Variants in PCDHA7 observed in about 807,000 individuals in gnomAD.
PCDHA7 encodes the protein protocadherin alpha-7.
PCDHA7 carries 37 observed loss-of-function variants against 57.2 expected under a neutral mutation model. The observed-to-expected ratio is 0.65, with a 90% confidence interval of 0.50 to 0.85. PCDHA7 has a LOEUF of 0.85. PCDHA7 is among the 40% of genes least tolerant of loss of function. The probability of loss-of-function intolerance (pLI) is 0.00; values close to 1 mark genes in which losing one functional copy is unlikely to be tolerated. For synonymous variants in PCDHA7, 553 were observed against 558.8 expected (o/e 0.99, Z 0.15); for missense variants, 1,188 against 1,241.8 (o/e 0.96, Z 0.65).
intron 1 of PCDHA7, chr5:140,876,123 C>T (rs782271666): frequency 6.2e-7 from 1 of 1,613,906 alleles, no homozygotes; most frequent in East Asian, 2.2e-5. Flanking sequence ...TAATCGATGG[C>T]GGTAAACCAG....
chr5:140,884,484 T>C, intron 1 of PCDHA7: 2 of 1,613,922 alleles, frequency 1.2e-6, no homozygotes, highest in Non-Finnish European at 1.7e-6. Context: ...AAGCCCACTC[T>C]AGTGTGCTCC....
chr5:140,877,416 G>A (rs368900600), intron 1 of PCDHA7: 32 of 1,613,802 alleles, frequency 2.0e-5, no homozygotes, highest in Non-Finnish European at 2.7e-5. Flanking sequence ...ACCGCCTGCT[G>A]GTGCTGGTGA....
At position 140,895,475 on chromosome 5, in the gene PCDHA7, G is replaced by A. The variant is rs532993154; in HGVS notation, c.2355+58737G>A. Among the ~76,000 whole-genome samples the A allele has an allele frequency of 2.0e-4, 31 of 152,002 alleles. No individual in the cohort carries two copies. The South Asian group carries it at 5.0e-3, about 24-fold the overall frequency. On this transcript the variant is annotated intron_variant, in intron 1 of 3. Coordinates refer to ENST00000525929, the MANE Select transcript of PCDHA7 (RefSeq NM_018910.3). ...TATTGGTCATTTCTTTATCCTCTTC[G>A]GAGAAATACCTATTCAGAACTTTTG...
In PCDHA7 at chr5:140,850,310, G is replaced by A. The variant is rs2150478968; in HGVS notation, c.2355+13572G>A. The stretch of plus-strand genomic sequence containing the variant: ...TGGACGCCGACTCGGGCTACAACGC[G>A]TGGCTTTCATACGAGCTGCAGCCAG... On this transcript the variant is annotated intron_variant, in intron 1 of 3. Transcript: ENST00000525929. The A allele has an allele frequency of 1.0e-5, 16 of 1,597,212 alleles. 1 individual carries two copies. Among genetic ancestry groups the A allele is most frequent in the Non-Finnish European group, 1.4e-5 (16 of 1,167,678 alleles).
intron 1 of PCDHA7, chr5:140,867,873 G>A (rs1554161583): frequency 6.6e-6 from 1 of 152,056 alleles, no homozygotes; most frequent in East Asian, 1.9e-4. Flanking sequence ...AATTTTCTAT[G>A]TTTTAAGCAC....
At chr5:140,941,401 C>T (rs1200707950) in intron 1 of PCDHA7, among the ~76,000 whole-genome samples, 1 of 149,796 alleles carries the variant, frequency 6.7e-6, no homozygotes, top group Non-Finnish European at 1.5e-5. Flanking sequence ...ACTGCAACCT[C>T]CGCCTCCCGG....
rs1554138958 is a variant in PCDHA7, at chr5:140,842,308, C to T, written c.2355+5570C>T. On this transcript the variant is annotated intron_variant, in intron 1 of 3. Coordinates refer to ENST00000525929, the MANE Select transcript of PCDHA7 (RefSeq NM_018910.3). ...ACGCCACGGACAAAGGCCATCCTCC[C>T]ATGGCGGGTCATTGCACCGTTTTAG... The T allele has an allele frequency of 3.1e-6, 5 of 1,607,710 alleles. No individual in the cohort carries two copies. The African/African-American group carries it at 5.4e-5, about 17-fold the overall frequency.
intron 3 of PCDHA7, among the ~76,000 whole-genome samples, chr5:141,008,708 T>G (rs1197464501): frequency 1.3e-5 from 2 of 152,210 alleles, no homozygotes; most frequent in African/African-American, 4.8e-5. Flanking sequence ...GGTTTCTAGT[T>G]GCTTGAGTGT....
chr5:140,997,864 C>A (rs2097788719), intron 3 of PCDHA7, among the ~76,000 whole-genome samples: 1 of 152,100 alleles, frequency 6.6e-6, no homozygotes, highest in South Asian at 2.1e-4. Context: ...ATTTCTTATG[C>A]ATGCTTGCTA....
Position 140,856,641 on chromosome 5 carries a change from T to G in PCDHA7, c.2355+19903T>G, listed in dbSNP as rs1554148950. On this transcript the variant is annotated intron_variant, in intron 1 of 3. Coordinates refer to ENST00000525929, the MANE Select transcript of PCDHA7 (RefSeq NM_018910.3). ...TTCCCAGTGCTTGTTCTGCGGAAGC[T>G]GCTGGATCGTGAAGAAAATCCTCAG... 4.4e-6 allele frequency: 7 copies of G among 1,598,334 alleles called. 1 individual carries two copies. The highest frequency in any genetic ancestry group is 5.1e-6 in the Non-Finnish European group (6 of 1,167,764).
chr5:140,873,893 T>G (rs1308011914), intron 1 of PCDHA7, among the ~76,000 whole-genome samples: 2 of 152,166 alleles, frequency 1.3e-5, no homozygotes, highest in Non-Finnish European at 2.9e-5. Context: ...ACTCCTGACC[T>G]CAGGTGATCT....
At chr5:140,896,710 T>C (rs1231459059) in intron 1 of PCDHA7, among the ~76,000 whole-genome samples, 2 of 152,160 alleles carry the variant, frequency 1.3e-5, no homozygotes, top group Non-Finnish European at 2.9e-5. Flanking sequence ...TGTTTGTTTT[T>C]TGCTTGTTAA....
At chr5:140,853,797 T>G (rs2042870109) in intron 1 of PCDHA7, 4 of 987,438 alleles carry the variant, frequency 4.1e-6, no homozygotes, top group Non-Finnish European at 4.9e-6. Context: ...AATTTTCATT[T>G]TAAAGCACAC....
chr5:140,885,556 G>A (rs1317413722), intron 1 of PCDHA7, among the ~76,000 whole-genome samples: 22 of 152,018 alleles, frequency 1.4e-4, no homozygotes, highest in African/African-American at 5.3e-4. Flanking sequence ...TTATTTCTAC[G>A]AAATTGATTG....
At chr5:140,867,108 C>A (rs782819699) in intron 1 of PCDHA7, 4 of 152,072 alleles carry the variant, frequency 2.6e-5, no homozygotes, top group Admixed American at 2.6e-4. Flanking sequence ...CCTAAATTAA[C>A]ATATTGTTTT....
chr5:140,848,218 A>T (rs1404023746), intron 1 of PCDHA7: 1 of 371,682 alleles, frequency 2.7e-6, no homozygotes, highest in Non-Finnish European at 4.8e-6. Flanking sequence ...TTAAGAAAAA[A>T]TTAAGAAAAT....
intron 1 of PCDHA7, among the ~76,000 whole-genome samples, chr5:140,977,103 G>A (rs1159604551): frequency 6.6e-6 from 1 of 152,230 alleles, no homozygotes; most frequent in Non-Finnish European, 1.5e-5. Context: ...TTGGGGAAGT[G>A]AGATTGTATA....
At chr5:140,941,195 C>T (rs1337267572) in intron 1 of PCDHA7, among the ~76,000 whole-genome samples, 39 of 106,424 alleles carry the variant, frequency 3.7e-4, no homozygotes, top group Non-Finnish European at 4.9e-4. Context: ...CTTTTTTTTT[C>T]TTTCTTCCTT....
intron 1 of PCDHA7, chr5:140,929,314 G>A: frequency 6.4e-7 from 1 of 1,560,184 alleles, no homozygotes; most frequent in Non-Finnish European, 8.7e-7. Flanking sequence ...TCACGCTAAT[G>A]TCAATGCCAT....
Sources: allele counts gnomAD v4.1 joint callset (sites outside exome capture counted in the v4.1 genomes callset), GRCh38; gene constraint gnomAD v4.1.1; transcripts MANE v1.5; gene names NCBI Gene and HGNC (gene_info 2026-07-23, HGNC 2026-07-21).